The following AMY2B variants were observed in gnomAD, a reference collection of about 807,000 sequenced individuals.
The protein encoded by AMY2B is alpha-amylase 2B.
AMY2B carries 63 observed loss-of-function variants against 59.3 expected under a neutral mutation model. That is an observed-to-expected ratio of 1.06 (90% CI 0.87 to 1.31). The LOEUF is 1.31. Ranked by LOEUF, AMY2B falls within the 50% of genes most tolerant of loss-of-function variation. AMY2B has a pLI of 0.00. For missense variants in AMY2B, 635 were observed against 626.7 expected, an observed-to-expected ratio of 1.01 and a Z score of -0.14; for synonymous variants, 180 against 198.1, an observed-to-expected ratio of 0.91 and a Z score of 0.77.
In AMY2B at chr1:103,575,266, C is replaced by A. The variant is rs1267365782; in HGVS notation, c.922C>A (p.Leu308Ile). The change falls in exon 6 of 10, where the codon CTT becomes ATT. Residue 308 changes from leucine to isoleucine, a missense_variant. Coordinates refer to ENST00000684275, the MANE Select transcript of AMY2B (RefSeq NM_001387437.1). ...GWGFMPSDRA[L>I]VFVDNHDNQR... ...GGGTTTCATGCCTTCTGACAGAGCACTTGTCTTTGTGGATAACCATGACAA... is the reference window on the plus strand; with the variant it reads ...GGGTTTCATGCCTTCTGACAGAGCAATTGTCTTTGTGGATAACCATGACAA... 1.2e-6 allele frequency: 2 copies of A among 1,613,504 alleles called. No individual in the cohort carries two copies. Among genetic ancestry groups the A allele is most frequent in the East Asian group, 4.5e-5 (2 of 44,874 alleles).
At position 103,559,880 on chromosome 1, in the gene AMY2B, A is replaced by T. The variant is rs1449642568; in HGVS notation, c.-207+4771A>T. 1.2e-4 allele frequency among the ~76,000 whole-genome samples: 19 copies of T among 152,314 alleles called. No homozygotes were observed. In the East Asian group the frequency reaches 3.7e-3, roughly 29 times the overall value. ...AGGTTTGTAAGGGCAATTTTGCATA[A>T]TATGAAAATATAAAAATGTGCTTCA... On this transcript the variant is annotated intron_variant, in intron 1 of 11. Coordinates refer to the AMY2B transcript ENST00000361355.
At chr1:103,577,938 A>T in intron 9 of AMY2B, 93 bp downstream of exon 9, 3 of 1,573,026 alleles carry the variant, frequency 1.9e-6, no homozygotes, top group Non-Finnish European at 2.6e-6. Context: ...CATATCTGAA[A>T]AATCATGTAG....
At position 103,575,138 on chromosome 1, in the gene AMY2B, C is replaced by T. The variant is rs1173074742; in HGVS notation, c.879-85C>T. 94 of 1,577,408 alleles carry T rather than the reference C, an allele frequency of 6.0e-5. No individual in the cohort carries two copies. In the Middle Eastern group the frequency reaches 2.0e-3, roughly 34 times the overall value. On this transcript the variant is annotated intron_variant, in intron 5 of 9. Transcript: ENST00000684275. ...AAGAATTTAATCTTCAGATGCCATG[C>T]CATGCAGAAAGAGATGCACAGTTAA... is the stretch of plus-strand genomic sequence containing the variant.
chr1:103,561,715 G>T, intron 1 of AMY2B: 1 of 151,962 alleles, frequency 6.6e-6, no homozygotes, highest in East Asian at 1.9e-4. Flanking sequence ...TAGAGATTGC[G>T]AGAGGATATT....
At chr1:103,556,927 T>G (rs1242959211) in intron 1 of AMY2B, among the ~76,000 whole-genome samples, 2 of 152,104 alleles carry the variant, frequency 1.3e-5, no homozygotes, top group African/African-American at 4.8e-5. Flanking sequence ...CTTTAGTAAT[T>G]CATGCTAACA....
rs760613345 is a variant in AMY2B, at chr1:103,573,798, A to G, written c.604A>G (p.Ile202Val). ...GATTGCCGAATATATGAATCATCTC[A>G]TTGACATTGGTGTTGCAGGGTTCAG... is the stretch of plus-strand genomic sequence containing the variant. ...SKIAEYMNHL[I>V]DIGVAGFRLD... Residue 202 changes from isoleucine (I) to valine (V), a missense_variant, in exon 4 of 10, where the codon ATT becomes GTT. Physicochemically the swap from Ile to Val is conservative, Grantham distance 29. Transcript: ENST00000684275. 5 of 1,613,846 alleles carry G rather than the reference A, an allele frequency of 3.1e-6. No homozygotes were observed. The highest frequency in any genetic ancestry group is 4.2e-6 in the Non-Finnish European group (5 of 1,179,790).
chr1:103,556,967 G>C (rs1391655867), intron 1 of AMY2B, among the ~76,000 whole-genome samples: 1 of 152,044 alleles, frequency 6.6e-6, no homozygotes, highest in Admixed American at 6.5e-5. Context: ...TTATTCAGTA[G>C]ATATGTGAGC....
Position 103,573,721 on chromosome 1 carries a change from G to A in AMY2B, c.527G>A (p.Arg176His), listed in dbSNP as rs144281226. The change falls in exon 4 of 10, where the codon CGT becomes CAT. Residue 176 changes from arginine (R) to histidine (H), a missense_variant. Arg to His is a conservative substitution (Grantham distance 29). Coordinates refer to ENST00000684275, the MANE Select transcript of AMY2B (RefSeq NM_001387437.1). ...TTACCTCAACAGGTCAGAGATTGTC[G>A]TCTGGTTGGTCTTCTTGATCTTGCA... ...YNDATQVRDC[R>H]LVGLLDLALE... The A allele has an allele frequency of 1.0e-4, 169 of 1,613,666 alleles. No homozygotes were observed. The highest frequency in any genetic ancestry group is 9.2e-4 in the African/African-American group (69 of 75,024).
At chr1:103,561,733 A>G (rs968759650) in intron 1 of AMY2B, 3 of 152,102 alleles carry the variant, frequency 2.0e-5, no homozygotes, top group African/African-American at 4.8e-5. Context: ...ATTGTAGAAA[A>G]AGGAAGGAAG....
intron 9 of AMY2B, among the ~76,000 whole-genome samples, chr1:103,579,068 A>T (rs1427834236): frequency 6.6e-6 from 1 of 152,194 alleles, no homozygotes; most frequent in African/African-American, 2.4e-5. Flanking sequence ...CTTCAGTGAT[A>T]TTCTTCAACT....
intron 7 of AMY2B, among the ~76,000 whole-genome samples, chr1:103,576,180 G>A (rs1462013988): frequency 1.3e-5 from 2 of 152,126 alleles, no homozygotes; most frequent in Non-Finnish European, 2.9e-5. Context: ...TGGAAAGCTA[G>A]TAGAAGGTTT....
rs190624969 is a variant in AMY2B, at chr1:103,575,665, C to T, written c.1101+125C>T. The T allele has an allele frequency of 7.7e-5, 109 of 1,409,208 alleles. 1 individual carries two copies. In the African/African-American group the frequency reaches 1.5e-3, roughly 19 times the overall value. 87.3% of individuals were successfully genotyped at this position (1,409,208 alleles called of 1,614,324 possible). A position where few individuals can be genotyped will look rare whatever the true frequency, so the allele number is the denominator to read the frequency against. ...AATTGATTAGAAACCTGATATAGGG[C>T]TGCGATTTTAGTAATGCAGGTTATA... On this transcript the variant is annotated intron_variant, in intron 7 of 9. Coordinates refer to ENST00000684275, the MANE Select transcript of AMY2B (RefSeq NM_001387437.1).
At chr1:103,572,069 G>C (rs770421864) in intron 1 of AMY2B, 41 bp from the exon 2 acceptor site, 5 of 1,611,236 alleles carry the variant, frequency 3.1e-6, no homozygotes, top group Admixed American at 1.7e-5. Flanking sequence ...CAATGATATA[G>C]AGTAAGAATT....
At chr1:103,555,536 C>T (rs921317722) in intron 1 of AMY2B, among the ~76,000 whole-genome samples, 1 of 151,914 alleles carries the variant, frequency 6.6e-6, no homozygotes, top group Non-Finnish European at 1.5e-5. Flanking sequence ...TTTTTGTTCC[C>T]CCAAATCTTT....
chr1:103,560,005 C>T (rs539434784), intron 1 of AMY2B, among the ~76,000 whole-genome samples: 11 of 152,194 alleles, frequency 7.2e-5, no homozygotes, highest in Admixed American at 5.9e-4. Context: ...TGGAAATGTT[C>T]ATATTAACAA....
At chr1:103,574,458 G>C in intron 5 of AMY2B, 65 bp downstream of exon 5, 1 of 1,604,792 alleles carries the variant, frequency 6.2e-7, no homozygotes, top group South Asian at 1.1e-5. Flanking sequence ...ACCCCAGTGT[G>C]AGTTATCTTC....
intron 3 of AMY2B, 37 bp downstream of exon 3, chr1:103,573,297 G>GAT: frequency 6.2e-7 from 1 of 1,612,348 alleles, no homozygotes; most frequent in Non-Finnish European, 8.5e-7. Flanking sequence ...AATAAGGGGT[G>GAT]ATATATGCCT....
rs764940629 is a variant in AMY2B, at chr1:103,573,921, C to A, written c.727C>A (p.Pro243Thr). ...TAACTGGTTCCCTGCAGGAAGTAAA[C>A]CTTTCATTTACCAGGAGGTACATCA... ...NSNWFPAGSK[P>T]FIYQEVIDLG... The change falls in exon 4 of 10, where the codon CCT becomes ACT. Residue 243 changes from proline (P) to threonine (T), a missense_variant. Pro to Thr is a conservative substitution (Grantham distance 38). Transcript: ENST00000684275. The A allele has an allele frequency of 6.8e-6, 11 of 1,613,746 alleles. No homozygotes were observed. The highest frequency in any genetic ancestry group is 1.7e-4 in the Middle Eastern group (1 of 6,048).
upstream of AMY2B, chr1:103,569,557 A>C (rs1652037432): frequency 8.9e-6 from 3 of 338,020 alleles, no homozygotes. Flanking sequence ...GTCGCAATGG[A>C]AGAAGAGATT....
Sources: allele counts gnomAD v4.1 joint callset (sites outside exome capture counted in the v4.1 genomes callset), GRCh38; gene constraint gnomAD v4.1.1; transcripts MANE v1.5; gene names NCBI Gene and HGNC (gene_info 2026-07-23, HGNC 2026-07-21).